The following LITAF variants were observed in gnomAD, a reference collection of about 807,000 sequenced individuals.
The protein encoded by LITAF is lipopolysaccharide-induced tumor necrosis factor-alpha factor.
Under a neutral mutation model 14.5 loss-of-function variants are expected in LITAF, and 9 were observed. That is an observed-to-expected ratio of 0.62 (90% CI 0.37 to 1.08). The LOEUF (loss-of-function observed/expected upper bound fraction) is 1.08. Ranked by LOEUF, LITAF falls within the 50% of genes least tolerant of loss-of-function variation. The pLI, the probability that LITAF is intolerant of heterozygous loss-of-function variation, is 0.01. For missense variants in LITAF, 206 were observed against 213.4 expected (o/e 0.97, Z 0.22); for synonymous variants, 98 against 88.2 (o/e 1.11, Z -0.62).
At chr16:11,600,540 G>A (rs1275802681), upstream of LITAF, among the ~76,000 whole-genome samples, 1 of 152,196 alleles carries the variant, frequency 6.6e-6, no homozygotes, top group African/African-American at 2.4e-5. The surrounding 1 kb of genome is among the most constrained non-coding windows in gnomAD (Gnocchi z 4.1). Flanking sequence ...ACTGGATTGG[G>A]AGCTTGTCTT....
In LITAF at chr16:11,548,089, T is replaced by C. The variant is rs928874849; in HGVS notation, c.*1548A>G. The C allele has an allele frequency of 6.6e-6, 3 of 454,026 alleles. No individual in the cohort carries two copies. The highest frequency in any genetic ancestry group is 4.0e-5 in the African/African-American group (2 of 50,014). The allele number at this position is 454,026 out of a possible 1,614,324, so 28.1% of individuals were successfully genotyped here. A position where few individuals can be genotyped will look rare whatever the true frequency, so the allele number is the denominator to read the frequency against. ...TATTCGTTGCAAAAATGATAATTAC[T>C]GGAATTTTCCAAACATCAAATGAAG... On this transcript the variant is annotated 3_prime_UTR_variant, in exon 4 of 4. Transcript: ENST00000622633.
chr16:11,568,684 T>TTTG (rs1555468728), intron 1 of LITAF, among the ~76,000 whole-genome samples: 2 of 62,236 alleles, frequency 3.2e-5, no homozygotes, highest in Non-Finnish European at 6.2e-5. Flanking sequence ...TTTTTTTTTG[T>TTTG]TTTTTTTTTT....
At chr16:11,602,987 G>A (rs972091665), upstream of LITAF, among the ~76,000 whole-genome samples, 1 of 152,072 alleles carries the variant, frequency 6.6e-6, no homozygotes, top group Non-Finnish European at 1.5e-5. Flanking sequence ...GGTTGCCCAT[G>A]CCTGTAGTCC....
Position 11,558,556 on chromosome 16 carries a change from A to C in LITAF, c.-5-1821T>G, listed in dbSNP as rs533548850. Among the ~76,000 whole-genome samples, 2 of 152,126 alleles carry C rather than the reference A, an allele frequency of 1.3e-5. No individual in the cohort carries two copies. Among genetic ancestry groups the C allele is most frequent in the Admixed American group, 1.3e-4 (2 of 15,262 alleles). On this transcript the variant is annotated intron_variant, in intron 1 of 3. Coordinates refer to ENST00000622633, the MANE Select transcript of LITAF (RefSeq NM_001136472.2). The surrounding 1 kb of genome is among the most constrained non-coding windows in gnomAD (Gnocchi z 4.1). ...GACCCTGTCTCTACAACGAATAAAA[A>C]AAGTAGCCAGGTGTAGTGGCACACA...
At chr16:11,631,655 G>A (rs11075006) in intron 3 of LITAF, among the ~76,000 whole-genome samples, 31,489 of 152,118 alleles carry the variant, frequency 0.21, 3,487 homozygotes, top group Middle Eastern at 0.28. Flanking sequence ...CTCCCAAAGT[G>A]CTGGGATTAC....
chr16:11,629,194 G>A (rs945880651), intron 3 of LITAF: 1 of 151,338 alleles, frequency 6.6e-6, no homozygotes, highest in African/African-American at 2.5e-5. Flanking sequence ...GGAAGGCTCA[G>A]AAGGCTGAGC....
chr16:11,611,066 C>G (rs1156493760), intron 3 of LITAF, among the ~76,000 whole-genome samples: 1 of 152,050 alleles, frequency 6.6e-6, no homozygotes, highest in Non-Finnish European at 1.5e-5. Flanking sequence ...GAAAAAAATA[C>G]AGTACATGGC....
rs1164876350 is a variant in LITAF at position 11,634,995 on chromosome 16, T to C, written c.-21+830A>G. ...GTTGCAGAGAGCTGAGATCACGCCA[T>C]TGCACTCCAGCCTGGGCATCACAGT... On this transcript the variant is annotated intron_variant, in intron 2 of 3. Transcript: ENST00000574848. This position sits in a 1 kb window ranked among gnomAD's most constrained non-coding sequence, Gnocchi z 4.1. 6.6e-6 allele frequency among the ~76,000 whole-genome samples: 1 copy of C among 151,760 alleles called. No homozygotes were observed. Among genetic ancestry groups the C allele is most frequent in the Non-Finnish European group, 1.5e-5 (1 of 67,970 alleles).
chr16:11,621,433 G>A (rs1316965335), intron 3 of LITAF, among the ~76,000 whole-genome samples: 3 of 152,092 alleles, frequency 2.0e-5, no homozygotes, highest in Non-Finnish European at 4.4e-5. Context: ...TTTAACTCCT[G>A]GGTTCTAGCC....
At chr16:11,568,689 T>G (rs1280325695) in intron 1 of LITAF, among the ~76,000 whole-genome samples, 1 of 150,280 alleles carries the variant, frequency 6.7e-6, no homozygotes, top group East Asian at 1.9e-4. Context: ...TTTTGTTTTT[T>G]TTTTTTTTGA....
At chr16:11,623,361 C>G (rs1052730636) in intron 3 of LITAF, among the ~76,000 whole-genome samples, 1 of 151,736 alleles carries the variant, frequency 6.6e-6, no homozygotes. Context: ...GCACAAATGC[C>G]ATCATCAAGA....
rs1801977 is a variant in LITAF, at chr16:11,549,494, G to A, written c.*143C>T. 5,095 of 703,802 alleles carry A rather than the reference G, an allele frequency of 7.2e-3. 172 individuals carry two copies. The African/African-American group carries it at 0.075, about 10-fold the overall frequency. The allele number at this position is 703,802 out of a possible 1,614,324, so 43.6% of individuals were successfully genotyped here. ...TTTGGAGATTTGTTAGTTTTGCGAC[G>A]TATTCCCCCCAAAAGAAGACATGAA... On this transcript the variant is annotated 3_prime_UTR_variant, in exon 4 of 4. Transcript: ENST00000622633. This position sits in a 1 kb window ranked among gnomAD's most constrained non-coding sequence, Gnocchi z 4.6.
chr16:11,610,625 T>C (rs963645096), intron 3 of LITAF, among the ~76,000 whole-genome samples: 2 of 152,216 alleles, frequency 1.3e-5, no homozygotes, highest in Non-Finnish European at 2.9e-5. Flanking sequence ...GGAGCCCAAC[T>C]TGAGCAGTAA....
chr16:11,609,251 G>A (rs539047809), intron 3 of LITAF, among the ~76,000 whole-genome samples: 7 of 148,358 alleles, frequency 4.7e-5, no homozygotes, highest in East Asian at 4.0e-4. Flanking sequence ...TCACTCTGTC[G>A]CCCAGGCTGG....
chr16:11,638,417 T>C (rs557465310), upstream of LITAF, among the ~76,000 whole-genome samples: 17 of 151,936 alleles, frequency 1.1e-4, no homozygotes, highest in South Asian at 2.1e-4. Context: ...AAAAAATACA[T>C]TGGAGCTGGG....
At chr16:11,639,390 G>A (rs370999255), upstream of LITAF, among the ~76,000 whole-genome samples, 3 of 148,840 alleles carry the variant, frequency 2.0e-5, no homozygotes, top group African/African-American at 5.0e-5. Context: ...GGATGCATGG[G>A]TGGATAGATG....
intron 1 of LITAF, among the ~76,000 whole-genome samples, chr16:11,570,185 C>T (rs901826994): frequency 4.6e-5 from 7 of 152,176 alleles, no homozygotes; most frequent in African/African-American, 1.7e-4. Context: ...CTCAGGTTTC[C>T]TCATCTGGAA....
At chr16:11,623,024 C>T (rs998759763) in intron 3 of LITAF, among the ~76,000 whole-genome samples, 4 of 150,914 alleles carry the variant, frequency 2.7e-5, no homozygotes, top group African/African-American at 7.3e-5. Flanking sequence ...GGTGCAGTGG[C>T]GTGATCTCGG....
intron 1 of LITAF, among the ~76,000 whole-genome samples, chr16:11,577,182 A>G (rs545945949): frequency 2.4e-4 from 36 of 152,320 alleles, no homozygotes; most frequent in African/African-American, 7.0e-4. Flanking sequence ...GATGTGATCT[A>G]TATTTCCCCA....
Sources: allele counts gnomAD v4.1 joint callset (sites outside exome capture counted in the v4.1 genomes callset), GRCh38; gene constraint gnomAD v4.1.1; non-coding constraint Gnocchi (gnomAD v3.1); transcripts MANE v1.5; gene names NCBI Gene and HGNC (gene_info 2026-07-23, HGNC 2026-07-21).